Variants in TSC1 observed in about 807,000 individuals in gnomAD.
TSC1 encodes the protein TSC complex subunit 1, also known as hamartin.
A neutral mutation model predicts 124.3 loss-of-function variants in TSC1; 20 were observed. That is an observed-to-expected ratio of 0.16 (90% CI 0.11 to 0.23). The LOEUF (loss-of-function observed/expected upper bound fraction) is 0.23. Among genes scored for constraint, TSC1 ranks in the 10% least tolerant of loss-of-function variants. The probability of loss-of-function intolerance (pLI) is 1.00; values close to 1 mark genes in which losing one functional copy is unlikely to be tolerated. For synonymous variants in TSC1, 493 were observed against 539.1 expected, an observed-to-expected ratio of 0.91 and a Z score of 1.19; for missense variants, 1,124 against 1,448.5, an observed-to-expected ratio of 0.78 and a Z score of 3.64.
Position 132,893,129 on chromosome 9 carries a change from CCTCTCCACT to C in TSC1, c.*3097_*3105del, listed in dbSNP as rs1184219256. 3.4e-5 allele frequency: 8 copies of C among 233,188 alleles called. No homozygotes were observed. The highest frequency in any genetic ancestry group is 1.1e-4 in the Admixed American group (2 of 17,782). 14.4% of individuals were successfully genotyped at this position (233,188 alleles called of 1,614,324 possible). ...GGCTCACAAAGTAGCTCACCTCTCGCCTCTCCACTCTTCAAGCTTAGTAAGAAGATTCCG... is the reference window on the plus strand; with the variant it reads ...GGCTCACAAAGTAGCTCACCTCTCGCCTTCAAGCTTAGTAAGAAGATTCCG... On this transcript the variant is annotated 3_prime_UTR_variant, in exon 23 of 23. Coordinates refer to ENST00000298552, the MANE Select transcript of TSC1 (RefSeq NM_000368.5).
At chr9:132,942,881 T>C (rs148232046) in intron 1 of TSC1, among the ~76,000 whole-genome samples, 3 of 152,384 alleles carry the variant, frequency 2.0e-5, no homozygotes, top group East Asian at 3.9e-4. Context: ...TAGCAAAGAA[T>C]GTTTCACTGT....
rs886063592 is a variant in TSC1, at chr9:132,893,544, T to C, written c.*2691A>G. 8.6e-6 allele frequency: 2 copies of C among 233,180 alleles called. No homozygotes were observed. The highest frequency in any genetic ancestry group is 4.4e-5 in the African/African-American group (2 of 45,344). 14.4% of individuals were successfully genotyped at this position (233,180 alleles called of 1,614,324 possible). On this transcript the variant is annotated 3_prime_UTR_variant, in exon 23 of 23. Transcript: ENST00000298552. ...ATCCCCCTCCCCGCTAAAACTGTAG[T>C]GCACCTTTTTAAAGGAATTCCATGC...
At chr9:132,907,168 GT>G in intron 13 of TSC1, 132 bp downstream of exon 13, 1 of 775,796 alleles carries the variant, frequency 1.3e-6, no homozygotes, top group Non-Finnish European at 2.2e-6. Flanking sequence ...TTCACTACTC[GT>G]TTCATTATGT....
rs114454155 is a variant in TSC1 at position 132,892,283 on chromosome 9, T to C, written c.*3952A>G. 694 of 233,386 alleles carry C rather than the reference T, an allele frequency of 3.0e-3. 5 individuals carry two copies. Among genetic ancestry groups the C allele is most frequent in the African/African-American group, 0.014 (643 of 45,478 alleles). 14.5% of individuals were successfully genotyped at this position (233,386 alleles called of 1,614,324 possible). A position where few individuals can be genotyped will look rare whatever the true frequency, so the allele number is the denominator to read the frequency against. The stretch of plus-strand genomic sequence containing the variant: ...ACCTACAGACAAAAGCTTAATCAAG[T>C]GCAATCAATGCCTTGGGATCTTTGC... On this transcript the variant is annotated 3_prime_UTR_variant, in exon 23 of 23. Coordinates refer to ENST00000298552, the MANE Select transcript of TSC1 (RefSeq NM_000368.5).
rs1588284688 is a variant in TSC1 at position 132,895,717 on chromosome 9, C to T, written c.*518G>A. ...TGAACTTCAGAATCAAAAAAGCAGTCGGAAAGTCTCATGTAAACGCTTTCA... is the reference window on the plus strand; with the variant it reads ...TGAACTTCAGAATCAAAAAAGCAGTTGGAAAGTCTCATGTAAACGCTTTCA... On this transcript the variant is annotated 3_prime_UTR_variant, in exon 23 of 23. Coordinates refer to ENST00000298552, the MANE Select transcript of TSC1 (RefSeq NM_000368.5). 1.7e-5 allele frequency: 4 copies of T among 240,380 alleles called. 1 individual carries two copies. The highest frequency in any genetic ancestry group is 5.2e-5 in the Admixed American group (1 of 19,088). The allele number at this position is 240,380 out of a possible 1,614,324, so 14.9% of individuals were successfully genotyped here.
rs1847042861 is a variant in TSC1, at chr9:132,928,880, C to T, written c.-8G>A. On this transcript the variant is annotated 5_prime_UTR_variant, in exon 3 of 23. Transcript: ENST00000298552. The stretch of plus-strand genomic sequence containing the variant: ...ATTTGCTTGTTGGGCCATTCTCTCG[C>T]TCGAAGGCGCTGTGCTGGCTCCAGG... 1.2e-6 allele frequency: 2 copies of T among 1,614,028 alleles called. No individual in the cohort carries two copies. Among genetic ancestry groups the T allele is most frequent in the Non-Finnish European group, 1.7e-6 (2 of 1,179,996 alleles).
chr9:132,921,813 A>G lies in TSC1; in HGVS notation c.663+6T>C. On this transcript the variant is annotated splice_donor_region_variant and intron_variant, in intron 7 of 22. Coordinates refer to ENST00000298552, the MANE Select transcript of TSC1 (RefSeq NM_000368.5). This position sits in a 1 kb window ranked among gnomAD's most constrained non-coding sequence, Gnocchi z 4.3. ...AGTAGCAAACAAACAAGCAGTTTCA[A>G]TTTACCTTGACCACTTCTTCAAAAG... 1 of 1,614,176 alleles carries G rather than the reference A, an allele frequency of 6.2e-7. No individual in the cohort carries two copies. Among genetic ancestry groups the G allele is most frequent in the South Asian group, 1.1e-5 (1 of 91,084 alleles).
chr9:132,907,887 G>GA (rs1238196638), intron 12 of TSC1, among the ~76,000 whole-genome samples: 1 of 152,242 alleles, frequency 6.6e-6, no homozygotes, highest in Non-Finnish European at 1.5e-5. Flanking sequence ...AGCAGTTTGA[G>GA]ACTAGCCTGG....
chr9:132,902,457 GA>G lies in TSC1; in HGVS notation c.2391+147del, dbSNP rs2131723930. 2 of 1,067,988 alleles carry G rather than the reference GA, an allele frequency of 1.9e-6. No homozygotes were observed. The highest frequency in any genetic ancestry group is 2.7e-5 in the South Asian group (2 of 75,142). The allele number at this position is 1,067,988 out of a possible 1,614,324, so 66.2% of individuals were successfully genotyped here. A position where few individuals can be genotyped will look rare whatever the true frequency, so the allele number is the denominator to read the frequency against. ...GTCCTAAGTAAGATTCACCTGCCAT[GA>G]AGAATTTCTGCCATGATTTCAGAGA... On this transcript the variant is annotated intron_variant, in intron 18 of 22. Coordinates refer to ENST00000298552, the MANE Select transcript of TSC1 (RefSeq NM_000368.5). The surrounding 1 kb of genome is among the most constrained non-coding windows in gnomAD (Gnocchi z 5.2).
At chr9:132,910,830 C>CT in intron 11 of TSC1, 138 bp from the exon 12 acceptor site, 1 of 1,427,192 alleles carries the variant, frequency 7.0e-7, no homozygotes, top group Non-Finnish European at 9.8e-7. Flanking sequence ...CAGTCTCTCT[C>CT]TTTTTTGTTT....
At chr9:132,937,865 C>T (rs918682213) in intron 1 of TSC1, among the ~76,000 whole-genome samples, 1 of 152,138 alleles carries the variant, frequency 6.6e-6, no homozygotes, top group Admixed American at 6.6e-5. Context: ...CAGGCACGCA[C>T]CACCATGCCC....
Position 132,903,663 on chromosome 9 carries a change from A to G in TSC1, c.2196T>C (p.His732=), listed in dbSNP as rs776441369. The change falls in exon 17 of 23, where the codon CAT becomes CAC. Residue 732 remains histidine, a synonymous_variant. Coordinates refer to ENST00000298552, the MANE Select transcript of TSC1 (RefSeq NM_000368.5). This position sits in a 1 kb window ranked among gnomAD's most constrained non-coding sequence, Gnocchi z 5.9. ...CCCCAGTCCTCACCATGGCAGCATT[A>G]TGTTCCTCCAGAGCTGCTGCTTTGA... The part of the protein sequence containing the change: ...KVIKAAALEE[H]NAAMKDQLKL... 6 of 1,612,282 alleles carry G rather than the reference A, an allele frequency of 3.7e-6. No homozygotes were observed. Among genetic ancestry groups the G allele is most frequent in the Non-Finnish European group, 5.1e-6 (6 of 1,179,956 alleles).
rs913589762 is a variant in TSC1, at chr9:132,910,554, G to A, written c.1263+17C>T. 2 of 1,614,006 alleles carry A rather than the reference G, an allele frequency of 1.2e-6. No individual in the cohort carries two copies. Among genetic ancestry groups the A allele is most frequent in the Non-Finnish European group, 1.7e-6 (2 of 1,180,042 alleles). ...ACTGTGCCTGGGCAGAGGGATAGCAGACGAGCTGGATCGCACCTTCCTGGG... is the reference window on the plus strand; with the variant it reads ...ACTGTGCCTGGGCAGAGGGATAGCAAACGAGCTGGATCGCACCTTCCTGGG... On this transcript the variant is annotated intron_variant, in intron 12 of 22. Transcript: ENST00000298552.
chr9:132,924,449 A>G (rs1292737166), intron 5 of TSC1, among the ~76,000 whole-genome samples: 1 of 152,226 alleles, frequency 6.6e-6, no homozygotes, highest in Non-Finnish European at 1.5e-5. Context: ...GAGACTATAT[A>G]ATGATTCTCA....
At chr9:132,933,266 A>C (rs1026900960) in intron 2 of TSC1, among the ~76,000 whole-genome samples, 1 of 152,102 alleles carries the variant, frequency 6.6e-6, no homozygotes, top group Non-Finnish European at 1.5e-5. Flanking sequence ...GGGTTTTACC[A>C]TGTTGGCCAG....
intron 2 of TSC1, among the ~76,000 whole-genome samples, chr9:132,930,699 A>G (rs1003917962): frequency 2.0e-5 from 3 of 151,830 alleles, no homozygotes; most frequent in African/African-American, 7.3e-5. Context: ...GCTATCATCT[A>G]TATTCTTATT....
At chr9:132,899,673 G>T (rs1845265422) in intron 20 of TSC1, 1 of 152,140 alleles carries the variant, frequency 6.6e-6, no homozygotes, top group African/African-American at 2.4e-5. Flanking sequence ...ACAATTGAAG[G>T]CATCCTGACT....
chr9:132,928,101 C>T (rs925289536), intron 3 of TSC1, among the ~76,000 whole-genome samples: 1 of 152,142 alleles, frequency 6.6e-6, no homozygotes, highest in Admixed American at 6.5e-5. Context: ...CACCTTCCCA[C>T]GTCAGCATCT....
intron 8 of TSC1, among the ~76,000 whole-genome samples, chr9:132,914,999 A>C (rs1846193370): frequency 2.0e-5 from 3 of 152,132 alleles, no homozygotes; most frequent in African/African-American, 7.2e-5. Flanking sequence ...ACAAAGTGAG[A>C]CCACACCCCA....
Sources: gnomAD v4.1 joint callset for allele counts (sites outside exome capture counted in the v4.1 genomes callset) on GRCh38, gnomAD v4.1.1 for gene constraint, Gnocchi (gnomAD v3.1) non-coding constraint, MANE v1.5 for transcripts, NCBI Gene and HGNC (gene_info 2026-07-23, HGNC 2026-07-21) for gene names.